Variants in CCDC178 observed in about 807,000 individuals in gnomAD.
CCDC178 encodes coiled-coil domain containing 178, also known as coiled-coil domain-containing protein 178.
In CCDC178, 126 loss-of-function variants were observed where a neutral mutation model predicts 117.4. The observed-to-expected ratio is 1.07, with a 90% CI of 0.93 to 1.24. CCDC178 has a LOEUF of 1.24. Ranked by LOEUF, CCDC178 falls within the 50% of genes most tolerant of loss-of-function variation. The pLI is 0.00. For synonymous variants in CCDC178, 283 were observed against 313.4 expected (o/e 0.90, Z 1.02); for missense variants, 1,030 against 986.9 (o/e 1.04, Z -0.59).
At chr18:33,145,888 G>T (rs1318890166) in intron 20 of CCDC178, among the ~76,000 whole-genome samples, 2 of 152,152 alleles carry the variant, frequency 1.3e-5, no homozygotes, top group East Asian at 3.8e-4. Flanking sequence ...GAAATCAAAA[G>T]ATATAGTCTT....
At chr18:33,068,571 T>C (rs866975309) in intron 21 of CCDC178, among the ~76,000 whole-genome samples, 1 of 152,138 alleles carries the variant, frequency 6.6e-6, no homozygotes, top group Non-Finnish European at 1.5e-5. Context: ...ACAAAAACCA[T>C]ATAATCATCT....
At chr18:33,147,986 C>CA (rs2058291674) in intron 20 of CCDC178, among the ~76,000 whole-genome samples, 1 of 145,604 alleles carries the variant, frequency 6.9e-6, no homozygotes, top group Non-Finnish European at 1.5e-5. Flanking sequence ...GGCGGCCGGG[C>CA]AGGGGCTGCC....
intron 2 of CCDC178, among the ~76,000 whole-genome samples, chr18:33,429,658 C>A (rs1023692249): frequency 6.6e-6 from 1 of 152,134 alleles, no homozygotes; most frequent in African/African-American, 2.4e-5. Flanking sequence ...AAAAGAACCT[C>A]TTTTAATTCA....
chr18:33,043,600 G>T (rs2056588707), intron 21 of CCDC178, among the ~76,000 whole-genome samples: 1 of 151,962 alleles, frequency 6.6e-6, no homozygotes, highest in South Asian at 2.1e-4. Flanking sequence ...GTGCTAATTA[G>T]CTATTTATAT....
At chr18:33,272,628 AT>A (rs1390477320) in intron 12 of CCDC178, among the ~76,000 whole-genome samples, 1 of 151,608 alleles carries the variant, frequency 6.6e-6, no homozygotes, top group Admixed American at 6.6e-5. Context: ...TCTCTTGTGA[AT>A]TTAGACACAA....
chr18:32,996,016 A>C (rs1302816137), intron 21 of CCDC178, among the ~76,000 whole-genome samples: 1 of 151,792 alleles, frequency 6.6e-6, no homozygotes, highest in East Asian at 1.9e-4. Context: ...TCATGAAAAT[A>C]AAGTGCAAAG....
intron 10 of CCDC178, 138 bp downstream of exon 10, chr18:33,333,036 A>G: frequency 2.0e-6 from 1 of 512,168 alleles, no homozygotes; most frequent in East Asian, 3.0e-5. Context: ...AACAGTTGGT[A>G]ATGTGTAGAG....
At chr18:33,034,683 A>G (rs549808184) in intron 21 of CCDC178, among the ~76,000 whole-genome samples, 92 of 152,140 alleles carry the variant, frequency 6.0e-4, no homozygotes, top group African/African-American at 2.1e-3. Flanking sequence ...TGTGTACACA[A>G]TGATTTCACA....
At chr18:32,969,689 A>G (rs1357696769) in intron 22 of CCDC178, among the ~76,000 whole-genome samples, 8 of 151,960 alleles carry the variant, frequency 5.3e-5, no homozygotes, top group Non-Finnish European at 1.2e-4. Flanking sequence ...TATGCTTCCC[A>G]AACTTGTATA....
intron 2 of CCDC178, among the ~76,000 whole-genome samples, chr18:33,436,156 T>C (rs1433591834): frequency 6.6e-6 from 1 of 152,112 alleles, no homozygotes; most frequent in Admixed American, 6.5e-5. Flanking sequence ...TAAAAATGAA[T>C]GGGATCATAG....
chr18:33,261,560 T>A (rs1166257980), intron 14 of CCDC178, among the ~76,000 whole-genome samples: 1 of 152,208 alleles, frequency 6.6e-6, no homozygotes, highest in African/African-American at 2.4e-5. Context: ...AGATATCTTT[T>A]CAATTTTATT....
chr18:33,399,161 C>T (rs2063677878), intron 3 of CCDC178, among the ~76,000 whole-genome samples: 2 of 151,146 alleles, frequency 1.3e-5, no homozygotes, highest in Admixed American at 6.6e-5. Context: ...GATCACGCCA[C>T]TGCACTCCAG....
chr18:33,317,838 A>AG (rs1304440934), intron 11 of CCDC178, among the ~76,000 whole-genome samples: 1 of 152,176 alleles, frequency 6.6e-6, no homozygotes, highest in Non-Finnish European at 1.5e-5. Context: ...TTAAAAAAAA[A>AG]GTTTCCTTTG....
intron 11 of CCDC178, among the ~76,000 whole-genome samples, chr18:33,312,869 T>C (rs2062361709): frequency 1.3e-5 from 2 of 152,194 alleles, no homozygotes; most frequent in South Asian, 4.1e-4. Flanking sequence ...CATCTGAAGA[T>C]GGTCACTTAT....
chr18:32,942,131 G>A (rs2054252307), intron 22 of CCDC178, among the ~76,000 whole-genome samples: 1 of 152,110 alleles, frequency 6.6e-6, no homozygotes, highest in Non-Finnish European at 1.5e-5. Flanking sequence ...AAATGAGTTT[G>A]AAGTTCACAT....
intron 11 of CCDC178, among the ~76,000 whole-genome samples, chr18:33,316,519 G>GC (rs1367649375): frequency 1.3e-5 from 2 of 151,922 alleles, no homozygotes; most frequent in African/African-American, 2.4e-5. Flanking sequence ...GACGAGCGCC[G>GC]CCCCCTGCTG....
chr18:33,056,095 C>A (rs1312664891), intron 21 of CCDC178, among the ~76,000 whole-genome samples: 1 of 152,126 alleles, frequency 6.6e-6, no homozygotes, highest in Non-Finnish European at 1.5e-5. Context: ...AGCCACTGCA[C>A]CTGGCCTCAA....
intron 22 of CCDC178, among the ~76,000 whole-genome samples, chr18:32,961,392 A>T (rs534043959): frequency 6.6e-6 from 1 of 152,152 alleles, no homozygotes; most frequent in Admixed American, 6.6e-5. Flanking sequence ...TTTATCTGAT[A>T]TTAATATAGA....
At chr18:33,052,383 A>G (rs765974351) in intron 21 of CCDC178, among the ~76,000 whole-genome samples, 3 of 152,222 alleles carry the variant, frequency 2.0e-5, no homozygotes, top group Non-Finnish European at 4.4e-5. Flanking sequence ...ACTCTAGTAC[A>G]TAATAGGGTA....
Sources: gnomAD v4.1 joint callset for allele counts (sites outside exome capture counted in the v4.1 genomes callset) on GRCh38, gnomAD v4.1.1 for gene constraint, MANE v1.5 for transcripts, NCBI Gene and HGNC (gene_info 2026-07-23, HGNC 2026-07-21) for gene names.